Variants in KIAA1328 observed in about 807,000 individuals in gnomAD.
KIAA1328 encodes KIAA1328, also known as protein hinderin.
A neutral mutation model predicts 68.1 loss-of-function variants in KIAA1328; 52 were observed. That is an observed-to-expected ratio of 0.76 (90% confidence interval 0.61 to 0.96). KIAA1328 has a LOEUF of 0.96. KIAA1328 is among the 40% of genes least tolerant of loss of function. The pLI, the probability that KIAA1328 is intolerant of heterozygous loss-of-function variation, is 0.00. For missense variants in KIAA1328, 641 were observed against 677.6 expected, an observed-to-expected ratio of 0.95 and a Z score of 0.60; for synonymous variants, 232 against 239.4, an observed-to-expected ratio of 0.97 and a Z score of 0.28.
chr18:37,081,957 ATGT>A (rs772103738), intron 7 of KIAA1328, among the ~76,000 whole-genome samples: 13 of 152,108 alleles, frequency 8.5e-5, no homozygotes, highest in Non-Finnish European at 1.9e-4. Context: ...TTAATGTGTA[ATGT>A]TGTTCTGTAA....
At chr18:36,833,394 A>G (rs757824358) in intron 1 of KIAA1328, 1 of 152,192 alleles carries the variant, frequency 6.6e-6, no homozygotes, top group Non-Finnish European at 1.5e-5. Flanking sequence ...ATAAGGTAGG[A>G]GCTTGCATAG....
chr18:37,075,759 T>C (rs201774698), intron 7 of KIAA1328: 1 of 151,342 alleles, frequency 6.6e-6, no homozygotes, highest in Non-Finnish European at 1.5e-5. Context: ...ATGGTAAAGG[T>C]ATCAATTCAA....
At chr18:37,114,570 A>G (rs548118756) in intron 7 of KIAA1328, among the ~76,000 whole-genome samples, 96 of 152,354 alleles carry the variant, frequency 6.3e-4, no homozygotes, top group African/African-American at 2.3e-3. Context: ...AAGATCTAAA[A>G]CTGACAACCT....
intron 5 of KIAA1328, among the ~76,000 whole-genome samples, chr18:36,922,542 C>G (rs1349472078): frequency 2.0e-5 from 3 of 152,040 alleles, no homozygotes; most frequent in Non-Finnish European, 4.4e-5. Context: ...TTATATTTTG[C>G]CACAGGGGTT....
chr18:37,110,841 C>G (rs544673873), intron 7 of KIAA1328, among the ~76,000 whole-genome samples: 38 of 152,216 alleles, frequency 2.5e-4, no homozygotes, highest in Admixed American at 7.2e-4. Context: ...GAAGAACTTG[C>G]AATTACATAT....
At chr18:37,118,976 A>G (rs998363194) in intron 7 of KIAA1328, among the ~76,000 whole-genome samples, 3 of 152,156 alleles carry the variant, frequency 2.0e-5, no homozygotes, top group African/African-American at 4.8e-5. Context: ...CCATTTTCTC[A>G]AGACAGCTGC....
rs140501201 is a variant in KIAA1328, at chr18:37,056,687, G to T, written c.577-10203G>T. On this transcript the variant is annotated intron_variant, in intron 6 of 9. Transcript: ENST00000280020. ...TTTTTTTGAAATGGAGTCTCCCTCT[G>T]TCACCCAGGCTGGAGTGCAGTAGTG... is the stretch of plus-strand genomic sequence containing the variant. Among the ~76,000 whole-genome samples the T allele has an allele frequency of 4.5e-3, 678 of 152,200 alleles. 4 individuals are homozygous for T. The highest frequency in any genetic ancestry group is 0.018 in the South Asian group (88 of 4,818).
intron 9 of KIAA1328, among the ~76,000 whole-genome samples, chr18:37,219,899 ATCT>A (rs35265880): frequency 0.059 from 9,036 of 152,138 alleles, 880 homozygotes; most frequent in African/African-American, 0.2. Context: ...GAAATCACCC[ATCT>A]TCTTTGTCGA....
intron 9 of KIAA1328, among the ~76,000 whole-genome samples, chr18:37,203,429 AT>A (rs571341410): frequency 2.7e-4 from 41 of 152,176 alleles, no homozygotes; most frequent in Non-Finnish European, 4.1e-4. Context: ...TACAAAAAAA[AT>A]CCTCGTCTTT....
At chr18:37,010,246 G>A (rs1194959571) in intron 6 of KIAA1328, among the ~76,000 whole-genome samples, 2 of 151,648 alleles carry the variant, frequency 1.3e-5, no homozygotes, top group Non-Finnish European at 2.9e-5. Flanking sequence ...AGTTCGAGAC[G>A]ATTGTGGCCA....
At chr18:37,198,320 T>A (rs979719301) in intron 9 of KIAA1328, among the ~76,000 whole-genome samples, 1 of 152,218 alleles carries the variant, frequency 6.6e-6, no homozygotes, top group African/African-American at 2.4e-5. Context: ...TAAATAGATA[T>A]ACTTTTCTCT....
intron 4 of KIAA1328, among the ~76,000 whole-genome samples, chr18:36,864,845 T>A (rs1377763645): frequency 6.6e-6 from 1 of 152,050 alleles, no homozygotes; most frequent in Non-Finnish European, 1.5e-5. Flanking sequence ...TGGGAGCTTG[T>A]GGTTTTCAAT....
intron 5 of KIAA1328, among the ~76,000 whole-genome samples, chr18:36,911,332 G>A (rs986457273): frequency 6.6e-6 from 1 of 152,056 alleles, no homozygotes; most frequent in African/African-American, 2.4e-5. Flanking sequence ...TTAGGAATTC[G>A]AATTGTGACT....
At chr18:36,872,954 T>G (rs2047997457) in intron 4 of KIAA1328, among the ~76,000 whole-genome samples, 1 of 152,184 alleles carries the variant, frequency 6.6e-6, no homozygotes, top group Non-Finnish European at 1.5e-5. Context: ...AACTTTAAAG[T>G]GCCTTTTGTG....
At chr18:36,837,659 C>G (rs973865200) in intron 3 of KIAA1328, among the ~76,000 whole-genome samples, 1 of 151,934 alleles carries the variant, frequency 6.6e-6, no homozygotes, top group African/African-American at 2.4e-5. Flanking sequence ...AAATTGTTGC[C>G]TAATCCAAGG....
At chr18:36,991,750 A>G (rs767612379) in intron 6 of KIAA1328, among the ~76,000 whole-genome samples, 3 of 152,234 alleles carry the variant, frequency 2.0e-5, no homozygotes, top group Admixed American at 6.5e-5. Flanking sequence ...CTGGGCCTCT[A>G]TGTTGGTTCA....
intron 8 of KIAA1328, among the ~76,000 whole-genome samples, chr18:37,169,341 A>G (rs1303948785): frequency 2.0e-5 from 3 of 151,638 alleles, no homozygotes; most frequent in African/African-American, 7.3e-5. Context: ...AATTTTTTGT[A>G]TTTTTAGTAG....
Position 37,141,885 on chromosome 18 carries a change from T to C in KIAA1328, c.1233-18315T>C, listed in dbSNP as rs116946187. On this transcript the variant is annotated intron_variant, in intron 7 of 9. Coordinates refer to ENST00000280020, the MANE Select transcript of KIAA1328 (RefSeq NM_020776.3). ...TTGTGAAATATTTGTTCAAATCTTTTAACCAGTTTTAATTGGATAAACAAC... is the reference window on the plus strand; with the variant it reads ...TTGTGAAATATTTGTTCAAATCTTTCAACCAGTTTTAATTGGATAAACAAC... Among the ~76,000 whole-genome samples the C allele has an allele frequency of 3.6e-3, 550 of 152,350 alleles. 3 individuals carry two copies. The highest frequency in any genetic ancestry group is 6.0e-3 in the Non-Finnish European group (411 of 68,036).
intron 7 of KIAA1328, among the ~76,000 whole-genome samples, chr18:37,159,004 A>T (rs1334478319): frequency 6.6e-6 from 1 of 152,100 alleles, no homozygotes; most frequent in Non-Finnish European, 1.5e-5. Context: ...TAAGTTATAC[A>T]TCTTCTGGTG....
Sources: gnomAD v4.1 joint callset for allele counts (sites outside exome capture counted in the v4.1 genomes callset) on GRCh38, gnomAD v4.1.1 for gene constraint, MANE v1.5 for transcripts, NCBI Gene and HGNC (gene_info 2026-07-23, HGNC 2026-07-21) for gene names.